TEK: variants seen among roughly 807,000 people sequenced by gnomAD.
The protein encoded by TEK is angiopoietin-1 receptor.
A neutral mutation model predicts 131.8 loss-of-function variants in TEK; 43 were observed. The observed-to-expected ratio is 0.33, with a 90% CI of 0.26 to 0.42. The LOEUF is 0.42. Ranked by LOEUF, TEK falls within the 10% of genes least tolerant of loss-of-function variation. The probability of loss-of-function intolerance (pLI) is 1.00; values close to 1 mark genes in which losing one functional copy is unlikely to be tolerated. For synonymous variants in TEK, 580 were observed against 491.6 expected, an observed-to-expected ratio of 1.18 and a Z score of -2.38; for missense variants, 1,162 against 1,384.4, an observed-to-expected ratio of 0.84 and a Z score of 2.55.
intron 1 of TEK, among the ~76,000 whole-genome samples, chr9:27,133,507 G>A (rs1587495154): frequency 6.6e-6 from 1 of 152,180 alleles, no homozygotes; most frequent in East Asian, 1.9e-4. Flanking sequence ...CCTTTGTTAT[G>A]TCAGTGACCA....
intron 1 of TEK, among the ~76,000 whole-genome samples, chr9:27,144,424 G>C (rs1822840445): frequency 6.6e-6 from 1 of 152,166 alleles, no homozygotes; most frequent in African/African-American, 2.4e-5. Context: ...GGGCCCATGG[G>C]GATTACACTT....
Position 27,217,819 on chromosome 9 carries a change from C to T in TEK, c.3062+61C>T, listed in dbSNP as rs1338580827. On this transcript the variant is annotated intron_variant, in intron 19 of 22. Transcript: ENST00000380036. ...CCCTCCCAGAAACATATACATTTGA[C>T]AGAGGTTTTAAAAAGATACAGGAAT... 15 of 1,451,898 alleles carry T rather than the reference C, an allele frequency of 1.0e-5. No individual in the cohort carries two copies. The African/African-American group carries it at 1.1e-4, about 11-fold the overall frequency. The allele number at this position is 1,451,898 out of a possible 1,614,324, so 89.9% of individuals were successfully genotyped here.
At chr9:27,181,918 G>C (rs962178120) in intron 7 of TEK, among the ~76,000 whole-genome samples, 6 of 151,598 alleles carry the variant, frequency 4.0e-5, no homozygotes. Flanking sequence ...CTTTTTTTCT[G>C]TTACTTTTGG....
At chr9:27,150,048 C>G (rs763499083) in intron 1 of TEK, among the ~76,000 whole-genome samples, 1 of 152,204 alleles carries the variant, frequency 6.6e-6, no homozygotes. Context: ...TGTACCCTTT[C>G]TAGCTTTTTA....
intron 2 of TEK, among the ~76,000 whole-genome samples, chr9:27,163,954 T>C (rs1272368671): frequency 6.6e-6 from 1 of 152,256 alleles, no homozygotes; most frequent in Non-Finnish European, 1.5e-5. Flanking sequence ...ATTATATTTT[T>C]AGTTAAGTTC....
intron 1 of TEK, among the ~76,000 whole-genome samples, chr9:27,140,034 T>G (rs546266609): frequency 1.2e-4 from 18 of 152,288 alleles, no homozygotes; most frequent in Non-Finnish European, 2.2e-4. Context: ...GCTAGCCCAT[T>G]AGGGTTTTTC....
Position 27,219,342 on chromosome 9 carries a change from A to G in TEK, c.3103+525A>G, listed in dbSNP as rs529068770. 2.6e-5 allele frequency among the ~76,000 whole-genome samples: 4 copies of G among 152,352 alleles called. No homozygotes were observed. In the South Asian group the frequency reaches 8.3e-4, roughly 32 times the overall value. ...ATGAGTTCGTGTCCTTTGCAGGACC[A>G]TGGATGAAGCTAGAAACCATCATCC... On this transcript the variant is annotated intron_variant, in intron 20 of 22. Coordinates refer to ENST00000380036, the MANE Select transcript of TEK (RefSeq NM_000459.5).
At chr9:27,115,448 A>G (rs992746541) in intron 1 of TEK, among the ~76,000 whole-genome samples, 4 of 152,142 alleles carry the variant, frequency 2.6e-5, no homozygotes, top group African/African-American at 9.7e-5. Flanking sequence ...GCAGTGAGCC[A>G]TGATCATACC....
intron 4 of TEK, among the ~76,000 whole-genome samples, chr9:27,171,893 T>C (rs1416600897): frequency 6.6e-6 from 1 of 152,172 alleles, no homozygotes; most frequent in Non-Finnish European, 1.5e-5. Flanking sequence ...TGCCTTTATT[T>C]CATTTAGCTA....
chr9:27,161,006 T>G (rs1000926870), intron 2 of TEK, among the ~76,000 whole-genome samples: 3 of 152,230 alleles, frequency 2.0e-5, no homozygotes, highest in African/African-American at 7.2e-5. Flanking sequence ...CCCCAGTCAT[T>G]TCGTGGGAAC....
chr9:27,221,339 T>G (rs1294625928), intron 21 of TEK, among the ~76,000 whole-genome samples: 1 of 152,174 alleles, frequency 6.6e-6, no homozygotes, highest in Non-Finnish European at 1.5e-5. Flanking sequence ...TGGCTGTTGG[T>G]GTAGCTTCAG....
intron 16 of TEK, among the ~76,000 whole-genome samples, chr9:27,211,018 A>T (rs981925557): frequency 1.3e-5 from 2 of 152,018 alleles, no homozygotes; most frequent in African/African-American, 4.8e-5. Flanking sequence ...GCTACTCGGG[A>T]TGCTGAGGCA....
At chr9:27,162,941 C>T (rs1823596622) in intron 2 of TEK, among the ~76,000 whole-genome samples, 1 of 152,128 alleles carries the variant, frequency 6.6e-6, no homozygotes, top group African/African-American at 2.4e-5. Flanking sequence ...GTCTCCATCT[C>T]CCGACCTTGT....
intron 1 of TEK, among the ~76,000 whole-genome samples, chr9:27,148,596 T>C (rs1251159037): frequency 2.6e-5 from 4 of 152,228 alleles, no homozygotes; most frequent in Admixed American, 2.6e-4. Context: ...AAGCCTCTGC[T>C]TATGCCACAT....
chr9:27,173,421 C>T, intron 6 of TEK, 59 bp downstream of exon 6: 1 of 1,609,674 alleles, frequency 6.2e-7, no homozygotes, highest in African/African-American at 1.3e-5. Context: ...AAAGGAGATC[C>T]AGTTTGCTGT....
rs117621576 is a variant in TEK at position 27,137,841 on chromosome 9, T to C, written c.53-19990T>C. Reference sequence around the variant, plus strand: ...GCCTTTCCTGGTTGTATTAGTTCTTTTGTGTCCGGAATTTATTCATTCCGG... The same window carrying C: ...GCCTTTCCTGGTTGTATTAGTTCTTCTGTGTCCGGAATTTATTCATTCCGG... On this transcript the variant is annotated intron_variant, in intron 1 of 22. Transcript: ENST00000380036. 4.4e-3 allele frequency among the ~76,000 whole-genome samples: 664 copies of C among 152,268 alleles called. 3 individuals carry two copies. The highest frequency in any genetic ancestry group is 6.8e-3 in the Middle Eastern group (2 of 294).
chr9:27,129,968 A>G (rs1822148712), intron 1 of TEK, among the ~76,000 whole-genome samples: 1 of 152,228 alleles, frequency 6.6e-6, no homozygotes, highest in East Asian at 1.9e-4. Flanking sequence ...GCAAAGTTTC[A>G]TAATTCGTAT....
At chr9:27,216,959 G>T (rs772267409) in intron 18 of TEK, among the ~76,000 whole-genome samples, 2 of 152,140 alleles carry the variant, frequency 1.3e-5, no homozygotes, top group African/African-American at 4.8e-5. Context: ...TAGAGACTTT[G>T]AGGAAACTAG....
At chr9:27,145,375 A>T (rs73643153) in intron 1 of TEK, among the ~76,000 whole-genome samples, 5,199 of 152,276 alleles carry the variant, frequency 0.034, 298 homozygotes, top group African/African-American at 0.12. Context: ...AGCACACAGC[A>T]GGACACAAAG....
Sources: gnomAD v4.1 joint callset for allele counts (sites outside exome capture counted in the v4.1 genomes callset) on GRCh38, gnomAD v4.1.1 for gene constraint, MANE v1.5 for transcripts, NCBI Gene and HGNC (gene_info 2026-07-23, HGNC 2026-07-21) for gene names.